ARHGAP1: variants seen among roughly 807,000 people sequenced by gnomAD.
ARHGAP1 encodes Rho GTPase activating protein 1, also known as rho GTPase-activating protein 1.
In ARHGAP1, 23 loss-of-function variants were observed where a neutral mutation model predicts 52.2. That is an observed-to-expected ratio of 0.44 (90% CI 0.32 to 0.62). The LOEUF is 0.62. ARHGAP1 is among the 20% of genes least tolerant of loss of function. ARHGAP1 has a pLI of 0.05. For missense variants in ARHGAP1, 480 were observed against 560.9 expected (o/e 0.86, Z 1.46); for synonymous variants, 210 against 228.4 (o/e 0.92, Z 0.73).
At chr11:46,694,551 C>G (rs2134495404) in intron 3 of ARHGAP1, among the ~76,000 whole-genome samples, 1 of 152,300 alleles carries the variant, frequency 6.6e-6, no homozygotes, top group East Asian at 1.9e-4. Context: ...GGCAGGCTCC[C>G]CCAGCTCTGC....
chr11:46,679,598 C>T lies in ARHGAP1; in HGVS notation c.1027+50G>A, dbSNP rs749827642. ...CGCCTAGGCCCGAAAGCCTGCAGCG[C>T]ACCTGCCCCAAGTCCAGCCCCAGGC... On this transcript the variant is annotated intron_variant, in intron 11 of 12. Coordinates refer to ENST00000311956, the MANE Select transcript of ARHGAP1 (RefSeq NM_004308.5). This position sits in a 1 kb window ranked among gnomAD's most constrained non-coding sequence, Gnocchi z 4.4. 2.5e-5 allele frequency: 40 copies of T among 1,612,122 alleles called. No homozygotes were observed. Among genetic ancestry groups the T allele is most frequent in the Non-Finnish European group, 2.6e-5 (31 of 1,179,104 alleles).
rs2064515482 is a variant in ARHGAP1 at position 46,680,437 on chromosome 11, T to G, written c.820+50A>C. ...CTGCCCAGCAGCTTCCCCAGCTTCC[T>G]GAAGGGAGCCGGGAGACCTGGCTGG... is the stretch of plus-strand genomic sequence containing the variant. On this transcript the variant is annotated intron_variant, in intron 9 of 12. Transcript: ENST00000311956. This position sits in a 1 kb window ranked among gnomAD's most constrained non-coding sequence, Gnocchi z 5.9. The G allele has an allele frequency of 6.2e-7, 1 of 1,607,740 alleles. No homozygotes were observed. Among genetic ancestry groups the G allele is most frequent in the Non-Finnish European group, 8.5e-7 (1 of 1,174,700 alleles).
At chr11:46,688,474 A>T (rs1054939898) in intron 3 of ARHGAP1, among the ~76,000 whole-genome samples, 1 of 150,664 alleles carries the variant, frequency 6.6e-6, no homozygotes, top group African/African-American at 2.5e-5. Context: ...CTGGGGTATT[A>T]AAAAAAAAGT....
rs780321360 is a variant in ARHGAP1, at chr11:46,696,159, G to T, written c.-49-3C>A. The T allele has an allele frequency of 1.9e-6, 3 of 1,539,884 alleles. No individual in the cohort carries two copies. Among genetic ancestry groups the T allele is most frequent in the African/African-American group, 2.7e-5 (2 of 73,224 alleles). ...CCCTGCAGAACCTTAAGAGAAACCT[G>T]GGAGAGAGGAAGACAGGTGGCAGGT... is the stretch of plus-strand genomic sequence containing the variant. On this transcript the variant is annotated splice_polypyrimidine_tract_variant and splice_region_variant and intron_variant, in intron 1 of 12. Transcript: ENST00000311956. This position sits in a 1 kb window ranked among gnomAD's most constrained non-coding sequence, Gnocchi z 4.8.
chr11:46,699,826 G>A (rs1032427639), intron 1 of ARHGAP1, among the ~76,000 whole-genome samples: 2 of 152,084 alleles, frequency 1.3e-5, no homozygotes, highest in Non-Finnish European at 2.9e-5. Context: ...AGAGCTTCAC[G>A]GTTTACAAAG....
chr11:46,689,121 C>G (rs1330711373), intron 3 of ARHGAP1, among the ~76,000 whole-genome samples: 1 of 151,684 alleles, frequency 6.6e-6, no homozygotes, highest in African/African-American at 2.4e-5. Context: ...TGCAGACAAC[C>G]CAAATGTCCA....
Position 46,681,370 on chromosome 11 carries a change from T to C in ARHGAP1, c.459A>G (p.Lys153=), listed in dbSNP as rs4268467. Residue 153 remains lysine (K), a synonymous_variant, in exon 6 of 13, where the codon AAA becomes AAG. Transcript: ENST00000311956. This position sits in a 1 kb window ranked among gnomAD's most constrained non-coding sequence, Gnocchi z 5.7. ...GCACGATGTACAAGGCCTTGATGTT[T>C]TTCTTGTACCTGCAGAGACAGAATG... The part of the protein sequence containing the change: ...AYREFDRKYK[K]NIKALYIVHP... 1,610,535 of 1,610,744 alleles carry C rather than the reference T, an allele frequency of 1. 805,163 individuals carry two copies. The highest frequency in any genetic ancestry group is 1 in the Middle Eastern group (6,058 of 6,058).
Position 46,682,155 on chromosome 11 carries a change from G to T in ARHGAP1, c.345C>A (p.Tyr115Ter). 6.2e-7 allele frequency: 1 copy of T among 1,614,146 alleles called. No homozygotes were observed. Among genetic ancestry groups the T allele is most frequent in the Non-Finnish European group, 8.5e-7 (1 of 1,180,004 alleles). The change falls in exon 5 of 13, where the codon TAC becomes TAA. Residue 115 changes from tyrosine (Y) to a stop codon, truncating the protein, a stop_gained. Coordinates refer to ENST00000311956, the MANE Select transcript of ARHGAP1 (RefSeq NM_004308.5). LOFTEE classifies it high-confidence loss of function. ...ACAGAAGTGTGTAGTCACTCTCCAC[G>T]TACTGGTCCAGGGTGTGCTTCAGGT... is the stretch of plus-strand genomic sequence containing the variant. ...LGYLKHTLDQ[Y>*]VESDYTLLYL...
In ARHGAP1 at chr11:46,689,442, A is replaced by C. The variant is rs188353237; in HGVS notation, c.230-1182T>G. The stretch of plus-strand genomic sequence containing the variant: ...GTGAAAATGTTTTGGGATTAGATGG[A>C]GGTGATAATTTTATGACATTATGCA... On this transcript the variant is annotated intron_variant, in intron 3 of 12. Coordinates refer to ENST00000311956, the MANE Select transcript of ARHGAP1 (RefSeq NM_004308.5). Among the ~76,000 whole-genome samples the C allele has an allele frequency of 3.5e-3, 526 of 152,302 alleles. 2 individuals are homozygous for C. Among genetic ancestry groups the C allele is most frequent in the African/African-American group, 0.012 (509 of 41,562 alleles).
At chr11:46,700,323 G>T (rs565958372) in intron 1 of ARHGAP1, among the ~76,000 whole-genome samples, 1 of 151,924 alleles carries the variant, frequency 6.6e-6, no homozygotes, top group East Asian at 1.9e-4. Context: ...CTGCCCTGGG[G>T]AAGGCAGGAA....
In ARHGAP1 at chr11:46,678,188, A is replaced by T. The variant is rs1158021177; in HGVS notation, c.*849T>A. ...CCGTAACAGACAGGTCCACAAGAAC[A>T]TGAAGGCTGATGATCTGCCCGTGTG... On this transcript the variant is annotated 3_prime_UTR_variant, in exon 13 of 13. Transcript: ENST00000311956. The T allele has an allele frequency of 2.4e-5, 5 of 204,140 alleles. No individual in the cohort carries two copies. In the Admixed American group the frequency reaches 2.9e-4, roughly 12 times the overall value. The allele number at this position is 204,140 out of a possible 1,614,324, so 12.6% of individuals were successfully genotyped here.
At position 46,680,592 on chromosome 11, in the gene ARHGAP1, C is replaced by T; in HGVS notation, c.744-29G>A. The T allele has an allele frequency of 1.2e-6, 2 of 1,613,746 alleles. No individual in the cohort carries two copies. Among genetic ancestry groups the T allele is most frequent in the Non-Finnish European group, 1.7e-6 (2 of 1,179,762 alleles). On this transcript the variant is annotated intron_variant, in intron 8 of 12. Coordinates refer to ENST00000311956, the MANE Select transcript of ARHGAP1 (RefSeq NM_004308.5). This position sits in a 1 kb window ranked among gnomAD's most constrained non-coding sequence, Gnocchi z 5.9. Reference sequence around the variant, plus strand: ...CGGGAAAAAGGCTGGTGAGCCGGGCCTGCAGCCCTTCCCGCCCCGCCGTGG... The same window carrying T: ...CGGGAAAAAGGCTGGTGAGCCGGGCTTGCAGCCCTTCCCGCCCCGCCGTGG...
At chr11:46,689,875 T>G (rs2064598008) in intron 3 of ARHGAP1, among the ~76,000 whole-genome samples, 2 of 152,128 alleles carry the variant, frequency 1.3e-5, no homozygotes, top group South Asian at 2.1e-4. Context: ...ACTAAAGCAT[T>G]TGTGATCTTG....
chr11:46,679,406 T>A lies in ARHGAP1; in HGVS notation c.1090A>T (p.Asn364Tyr). ...LQVLQTLPEE[N>Y]YQVLRFLTAF... The stretch of plus-strand genomic sequence containing the variant: ...GTCAGGAAACGAAGCACCTGGTAGT[T>A]CTCCTCGGGCAGCGTCTGGAGGACC... The change falls in exon 12 of 13, where the codon AAC (asparagine) becomes TAC (tyrosine). Residue 364 changes from asparagine (N) to tyrosine (Y), a missense_variant. Coordinates refer to ENST00000311956, the MANE Select transcript of ARHGAP1 (RefSeq NM_004308.5). This position sits in a 1 kb window ranked among gnomAD's most constrained non-coding sequence, Gnocchi z 4.4. 1 of 1,614,152 alleles carries A rather than the reference T, an allele frequency of 6.2e-7. No individual in the cohort carries two copies. The highest frequency in any genetic ancestry group is 8.5e-7 in the Non-Finnish European group (1 of 1,180,020).
At position 46,680,419 on chromosome 11, in the gene ARHGAP1, G is replaced by T; in HGVS notation, c.820+68C>A. ...GCAGGACCTCCCTCTGCCCTGCCCA[G>T]CAGCTTCCCCAGCTTCCTGAAGGGA... On this transcript the variant is annotated intron_variant, in intron 9 of 12. Transcript: ENST00000311956. This position sits in a 1 kb window ranked among gnomAD's most constrained non-coding sequence, Gnocchi z 5.9. 6.3e-7 allele frequency: 1 copy of T among 1,597,324 alleles called. No homozygotes were observed. The highest frequency in any genetic ancestry group is 8.6e-7 in the Non-Finnish European group (1 of 1,165,400).
intron 3 of ARHGAP1, 34 bp downstream of exon 3, chr11:46,695,626 T>G (rs2064646216): frequency 9.7e-6 from 15 of 1,544,752 alleles, no homozygotes; most frequent in Non-Finnish European, 1.3e-5. Context: ...CCAGGAGCTC[T>G]GAGGGTTAGG....
chr11:46,677,999 A>G lies in ARHGAP1; in HGVS notation c.*1038T>C, dbSNP rs1171327563. The G allele has an allele frequency of 1.2e-5, 5 of 432,576 alleles. No individual in the cohort carries two copies. Among genetic ancestry groups the G allele is most frequent in the Non-Finnish European group, 2.3e-5 (5 of 219,762 alleles). 26.8% of individuals were successfully genotyped at this position (432,576 alleles called of 1,614,324 possible). A position where few individuals can be genotyped will look rare whatever the true frequency, so the allele number is the denominator to read the frequency against. ...CCCTTAATCCCCTGGGGAAATTGCT[A>G]GAACCCACCTATCTGGACTGACCTA... On this transcript the variant is annotated 3_prime_UTR_variant, in exon 13 of 13. Coordinates refer to ENST00000311956, the MANE Select transcript of ARHGAP1 (RefSeq NM_004308.5).
intron 3 of ARHGAP1, among the ~76,000 whole-genome samples, chr11:46,689,384 T>C (rs1037307900): frequency 6.6e-5 from 10 of 152,134 alleles, no homozygotes; most frequent in African/African-American, 2.4e-4. Flanking sequence ...ACAGACTGCT[T>C]AGTGGGTACA....
Position 46,695,729 on chromosome 11 carries a change from G to A in ARHGAP1, c.160C>T (p.Leu54Phe). The change falls in exon 3 of 13, where the codon CTT becomes TTT. Residue 54 changes from leucine (L) to phenylalanine (F), a missense_variant. By Grantham distance (22) the Leu-to-Phe change is conservative. Coordinates refer to ENST00000311956, the MANE Select transcript of ARHGAP1 (RefSeq NM_004308.5). ...SDDSKSSSPE[L>F]VTHLKWDDPY... ...TCATCCCACTTCAGGTGTGTGACAA[G>A]TTCCGGGGAGCTGCTTTTGGAGTCA... 4 of 1,552,254 alleles carry A rather than the reference G, an allele frequency of 2.6e-6. No individual in the cohort carries two copies. Among genetic ancestry groups the A allele is most frequent in the Non-Finnish European group, 3.5e-6 (4 of 1,147,182 alleles).
Sources: allele counts gnomAD v4.1 joint callset (sites outside exome capture counted in the v4.1 genomes callset), GRCh38; gene constraint gnomAD v4.1.1; non-coding constraint Gnocchi (gnomAD v3.1); transcripts MANE v1.5; gene names NCBI Gene and HGNC (gene_info 2026-07-23, HGNC 2026-07-21).